The following ARHGEF3 variants were observed in gnomAD, a reference collection of about 807,000 sequenced individuals.
ARHGEF3 encodes Rho guanine nucleotide exchange factor 3.
In ARHGEF3, 28 loss-of-function variants were observed where a neutral mutation model predicts 63.2. That is an observed-to-expected ratio of 0.44 (90% CI 0.33 to 0.61). ARHGEF3 has a LOEUF of 0.61. Ranked by LOEUF, ARHGEF3 falls within the 20% of genes least tolerant of loss-of-function variation. The pLI, the probability that ARHGEF3 is intolerant of heterozygous loss-of-function variation, is 0.03. For missense variants in ARHGEF3, 533 were observed against 659.3 expected, an observed-to-expected ratio of 0.81 and a Z score of 2.10; for synonymous variants, 266 against 254.2, an observed-to-expected ratio of 1.05 and a Z score of -0.44.
intron 3 of ARHGEF3, among the ~76,000 whole-genome samples, chr3:56,894,121 C>G (rs2041218186): frequency 1.3e-5 from 2 of 152,120 alleles, no homozygotes; most frequent in African/African-American, 4.8e-5. Context: ...CCACTGGGAT[C>G]AGCTTTCAAT....
rs570039220 is a variant in ARHGEF3 at position 56,964,275 on chromosome 3, C to T, written c.63-5386G>A. Among the ~76,000 whole-genome samples, 139 of 151,196 alleles carry T rather than the reference C, an allele frequency of 9.2e-4. 1 individual carries two copies. The highest frequency in any genetic ancestry group is 1.7e-3 in the Non-Finnish European group (116 of 67,928). ...GGCTGAGGCATGAGAATCACTTGAA[C>T]CCGGGAGGCACAGGTTGCAGGGAGC... On this transcript the variant is annotated intron_variant, in intron 2 of 12. Coordinates refer to the ARHGEF3 transcript ENST00000338458.
At chr3:56,782,216 T>C (rs1161509983) in intron 1 of ARHGEF3, among the ~76,000 whole-genome samples, 1 of 152,202 alleles carries the variant, frequency 6.6e-6, no homozygotes, top group African/African-American at 2.4e-5. Context: ...CCTGGTGTCA[T>C]CTGTTCCCAG....
At chr3:57,058,856 G>A (rs1705059907) in intron 1 of ARHGEF3, among the ~76,000 whole-genome samples, 2 of 152,076 alleles carry the variant, frequency 1.3e-5, no homozygotes, top group South Asian at 2.1e-4. Context: ...CATGGATGAA[G>A]CTGGAAACTA....
chr3:56,977,320 G>C (rs1211059859), intron 2 of ARHGEF3: 1 of 456,636 alleles, frequency 2.2e-6, no homozygotes, highest in South Asian at 1.5e-5. Context: ...ACAGGGCAGA[G>C]CAAGCCCCAT....
At chr3:56,868,720 T>G (rs11923156) in intron 4 of ARHGEF3, among the ~76,000 whole-genome samples, 67,639 of 151,944 alleles carry the variant, frequency 0.45, 15,624 homozygotes, top group Non-Finnish European at 0.52. Context: ...CATAGTAAAA[T>G]TTCTTTCAAA....
chr3:56,975,172 C>T (rs1346411947), intron 2 of ARHGEF3, among the ~76,000 whole-genome samples: 1 of 152,170 alleles, frequency 6.6e-6, no homozygotes, highest in Non-Finnish European at 1.5e-5. Flanking sequence ...AATCCCATCA[C>T]TCTGGGAGGC....
chr3:56,737,235 T>C lies in ARHGEF3; in HGVS notation c.991A>G (p.Ser331Gly). The C allele has an allele frequency of 6.2e-7, 1 of 1,614,162 alleles. No individual in the cohort carries two copies. Among genetic ancestry groups the C allele is most frequent in the Admixed American group, 1.7e-5 (1 of 60,016 alleles). The change falls in exon 8 of 10, where the codon AGC becomes GGC. Residue 331 changes from serine (S) to glycine (G), a missense_variant. By Grantham distance (56) the Ser-to-Gly change is moderately conservative. Coordinates refer to ENST00000296315, the MANE Select transcript of ARHGEF3 (RefSeq NM_019555.3). ...CCATGACAACACAAGACTCGAGAGCTGTCGATCAGGGAGTCTTTCTGGCCT... is the reference window on the plus strand; with the variant it reads ...CCATGACAACACAAGACTCGAGAGCCGTCGATCAGGGAGTCTTTCTGGCCT... The part of the protein sequence containing the change: ...EEGQKDSLID[S>G]SRVLCCHGEL...
chr3:56,773,900 T>A, intron 1 of ARHGEF3, 84 bp from the exon 2 acceptor site: 1 of 1,118,498 alleles, frequency 8.9e-7, no homozygotes, highest in South Asian at 1.5e-5. Flanking sequence ...TGTGTTCCAC[T>A]CCACAAGGTA....
intron 4 of ARHGEF3, among the ~76,000 whole-genome samples, chr3:56,819,265 C>A (rs2038379178): frequency 6.6e-6 from 1 of 152,152 alleles, no homozygotes; most frequent in Non-Finnish European, 1.5e-5. Flanking sequence ...CAAGGGCTGT[C>A]AACATAAGAG....
intron 1 of ARHGEF3, among the ~76,000 whole-genome samples, chr3:57,051,168 G>C (rs1704652926): frequency 6.6e-6 from 1 of 152,150 alleles, no homozygotes; most frequent in Non-Finnish European, 1.5e-5. Context: ...TACATACTAT[G>C]AGTAATCTCC....
intron 3 of ARHGEF3, among the ~76,000 whole-genome samples, chr3:56,911,631 C>T (rs2041855147): frequency 6.6e-6 from 1 of 152,246 alleles, no homozygotes; most frequent in African/African-American, 2.4e-5. Context: ...CCTTCCATGG[C>T]TCCTACTTGG....
intron 3 of ARHGEF3, among the ~76,000 whole-genome samples, chr3:56,926,960 G>A (rs2042292576): frequency 6.6e-6 from 1 of 152,194 alleles, no homozygotes; most frequent in African/African-American, 2.4e-5. Flanking sequence ...TAAGTGTGCA[G>A]CCCCAGAGGT....
At chr3:56,969,814 G>A (rs1214423729) in intron 2 of ARHGEF3, among the ~76,000 whole-genome samples, 1 of 151,038 alleles carries the variant, frequency 6.6e-6, no homozygotes, top group Non-Finnish European at 1.5e-5. Flanking sequence ...TCAACTAATG[G>A]ATAAACAAAA....
intron 4 of ARHGEF3, among the ~76,000 whole-genome samples, chr3:56,842,600 C>T (rs1334787022): frequency 6.6e-6 from 1 of 152,160 alleles, no homozygotes; most frequent in Non-Finnish European, 1.5e-5. Flanking sequence ...ATTTAACTCC[C>T]TCATCTTTTC....
chr3:56,821,384 T>C (rs1468334694), intron 4 of ARHGEF3, among the ~76,000 whole-genome samples: 1 of 152,218 alleles, frequency 6.6e-6, no homozygotes, highest in Non-Finnish European at 1.5e-5. Context: ...GATCACAAGG[T>C]ATCATGATTA....
intron 3 of ARHGEF3, chr3:56,916,258 G>T (rs907588180): frequency 6.6e-7 from 1 of 1,523,140 alleles, no homozygotes; most frequent in African/African-American, 1.4e-5. Context: ...CACCCGGCTC[G>T]GGTGGGAGTT....
chr3:57,029,772 T>G (rs1283734790), intron 2 of ARHGEF3, among the ~76,000 whole-genome samples: 4 of 152,084 alleles, frequency 2.6e-5, no homozygotes. Flanking sequence ...GAAGACACCT[T>G]AGAGAGATGT....
At chr3:57,073,951 T>G (rs377573573) in intron 1 of ARHGEF3, 38 of 1,614,102 alleles carry the variant, frequency 2.4e-5, no homozygotes, top group Non-Finnish European at 3.1e-5. Flanking sequence ...CAGAGATATT[T>G]ACAAGCAGCC....
intron 3 of ARHGEF3, among the ~76,000 whole-genome samples, chr3:56,932,459 G>T (rs1256427837): frequency 1.3e-5 from 2 of 151,858 alleles, no homozygotes; most frequent in African/African-American, 4.8e-5. Flanking sequence ...CATTTTCCCT[G>T]AATTAAAACT....
Sources: gnomAD v4.1 joint callset for allele counts (sites outside exome capture counted in the v4.1 genomes callset) on GRCh38, gnomAD v4.1.1 for gene constraint, MANE v1.5 for transcripts, NCBI Gene and HGNC (gene_info 2026-07-23, HGNC 2026-07-21) for gene names.